Variants in SH3GL2 observed in about 807,000 individuals in gnomAD.
SH3GL2 encodes the protein SH3 domain containing GRB2 like 2, endophilin A1.
Under a neutral mutation model 46.0 loss-of-function variants are expected in SH3GL2, and 24 were observed. The observed-to-expected ratio is 0.52, with a 90% confidence interval of 0.38 to 0.73. The LOEUF (loss-of-function observed/expected upper bound fraction) is 0.73, where lower values mean the gene tolerates loss of function less well. Ranked by LOEUF, SH3GL2 falls within the 30% of genes least tolerant of loss-of-function variation. The pLI is 0.00. For missense variants in SH3GL2, 413 were observed against 424.2 expected, an observed-to-expected ratio of 0.97 and a Z score of 0.23; for synonymous variants, 196 against 147.1, an observed-to-expected ratio of 1.33 and a Z score of -2.40.
chr9:17,622,411 A>G (rs1278322150), intron 1 of SH3GL2, among the ~76,000 whole-genome samples: 1 of 152,236 alleles, frequency 6.6e-6, no homozygotes, highest in Non-Finnish European at 1.5e-5. Context: ...AAGGGGGAGG[A>G]TCTCTTAAGA....
chr9:17,696,131 G>T (rs1821196377), intron 1 of SH3GL2, among the ~76,000 whole-genome samples: 2 of 152,202 alleles, frequency 1.3e-5, no homozygotes, highest in East Asian at 3.9e-4. Context: ...TCTGAAGTCT[G>T]TTCAAAGTGG....
At chr9:17,768,336 A>C (rs1451620210) in intron 3 of SH3GL2, among the ~76,000 whole-genome samples, 1 of 145,788 alleles carries the variant, frequency 6.9e-6, no homozygotes, top group Non-Finnish European at 1.5e-5. Flanking sequence ...ATGCCACTGC[A>C]CTGCAGCCTG....
At chr9:17,653,621 C>T (rs1820004486) in intron 1 of SH3GL2, among the ~76,000 whole-genome samples, 1 of 152,176 alleles carries the variant, frequency 6.6e-6, no homozygotes, top group Non-Finnish European at 1.5e-5. Flanking sequence ...AGTCCAAGTG[C>T]TGCCAATGTG....
chr9:17,604,611 A>G (rs2134568909), intron 1 of SH3GL2, among the ~76,000 whole-genome samples: 1 of 152,230 alleles, frequency 6.6e-6, no homozygotes, highest in East Asian at 1.9e-4. Flanking sequence ...TGAAGTAAGG[A>G]TGGGTGAAGC....
intron 1 of SH3GL2, among the ~76,000 whole-genome samples, chr9:17,697,397 T>C (rs1353515712): frequency 6.8e-6 from 1 of 146,202 alleles, no homozygotes; most frequent in East Asian, 2.2e-4. Flanking sequence ...CTAATTTTTG[T>C]ATTTTTAGTA....
At chr9:17,659,767 A>AG (rs1333989186) in intron 1 of SH3GL2, among the ~76,000 whole-genome samples, 1 of 152,212 alleles carries the variant, frequency 6.6e-6, no homozygotes, top group East Asian at 1.9e-4. Context: ...TTGACTTTCA[A>AG]GCTGAACAAA....
At chr9:17,795,077 A>G (rs1824238682) in intron 8 of SH3GL2, among the ~76,000 whole-genome samples, 1 of 152,224 alleles carries the variant, frequency 6.6e-6, no homozygotes, top group Non-Finnish European at 1.5e-5. Context: ...ACTGTTACTT[A>G]AAAGCATTCT....
Position 17,786,473 on chromosome 9 carries a change from G to A in SH3GL2, c.280G>A (p.Ala94Thr). ...CTATCCTCAGGCAGAGGCGCTGCTG[G>A]CAGAGGCCATGCTCAAATTTGGAAG... ...PGYPQAEALL[A>T]EAMLKFGREL... The change falls in exon 4 of 9, where the codon GCA (alanine) becomes ACA (threonine). Residue 94 changes from alanine (A) to threonine (T), a missense_variant. Physicochemically the swap from Ala to Thr is moderately conservative, Grantham distance 58. Coordinates refer to ENST00000380607, the MANE Select transcript of SH3GL2 (RefSeq NM_003026.5). The A allele has an allele frequency of 6.2e-7, 1 of 1,613,510 alleles. No homozygotes were observed. The highest frequency in any genetic ancestry group is 8.5e-7 in the Non-Finnish European group (1 of 1,179,668).
At chr9:17,619,677 C>CAAA (rs369116747) in intron 1 of SH3GL2, among the ~76,000 whole-genome samples, 3,127 of 146,204 alleles carry the variant, frequency 0.021, 69 homozygotes, top group African/African-American at 0.052. Context: ...AACTCCATCT[C>CAAA]AAAAAAAAAA....
At chr9:17,694,444 C>A (rs7858527) in intron 1 of SH3GL2, among the ~76,000 whole-genome samples, 4,319 of 152,218 alleles carry the variant, frequency 0.028, 191 homozygotes, top group African/African-American at 0.099. Context: ...AAAGCAACTA[C>A]TATAATTGCC....
chr9:17,603,861 G>C (rs4961577), intron 1 of SH3GL2, among the ~76,000 whole-genome samples: 1 of 151,918 alleles, frequency 6.6e-6, no homozygotes, highest in Non-Finnish European at 1.5e-5. Context: ...GCGAAACTCC[G>C]TGTCAAAAAA....
At chr9:17,758,798 A>G (rs1823084245) in intron 2 of SH3GL2, among the ~76,000 whole-genome samples, 1 of 151,916 alleles carries the variant, frequency 6.6e-6, no homozygotes, top group Non-Finnish European at 1.5e-5. Context: ...GGACTAGGTA[A>G]CCAAAAGTGT....
intron 1 of SH3GL2, among the ~76,000 whole-genome samples, chr9:17,670,401 C>G (rs1361004897): frequency 1.3e-5 from 2 of 152,134 alleles, no homozygotes; most frequent in Non-Finnish European, 2.9e-5. Context: ...TTTTTTCTAC[C>G]TCCTGTATCA....
chr9:17,645,151 CTTTTTTTTTTT>C (rs57611978), intron 1 of SH3GL2, among the ~76,000 whole-genome samples: 284 of 68,748 alleles, frequency 4.1e-3, no homozygotes, highest in African/African-American at 0.017. Flanking sequence ...GCAAACGCTG[CTTTTTTTTTTT>C]TTTTTTTTTT....
chr9:17,599,803 T>C (rs1818636796), intron 1 of SH3GL2, among the ~76,000 whole-genome samples: 1 of 152,214 alleles, frequency 6.6e-6, no homozygotes, highest in African/African-American at 2.4e-5. Flanking sequence ...TAATTATCTC[T>C]AGATGTGGGC....
At chr9:17,778,880 A>G (rs1025209954) in intron 3 of SH3GL2, among the ~76,000 whole-genome samples, 7 of 152,156 alleles carry the variant, frequency 4.6e-5, no homozygotes, top group African/African-American at 1.7e-4. Flanking sequence ...AGTTGTATTC[A>G]TTAATATTGA....
At chr9:17,679,687 G>C (rs1820715915) in intron 1 of SH3GL2, among the ~76,000 whole-genome samples, 1 of 152,166 alleles carries the variant, frequency 6.6e-6, no homozygotes, top group Admixed American at 6.5e-5. Flanking sequence ...TGGTGAGAGA[G>C]GGCATCCTTG....
intron 1 of SH3GL2, among the ~76,000 whole-genome samples, chr9:17,725,511 G>C (rs990594741): frequency 2.0e-5 from 3 of 152,108 alleles, no homozygotes; most frequent in Non-Finnish European, 4.4e-5. Flanking sequence ...AATAAAGTCA[G>C]TCTCCTCAGT....
intron 1 of SH3GL2, among the ~76,000 whole-genome samples, chr9:17,667,418 A>C (rs1359508651): frequency 6.6e-6 from 1 of 152,090 alleles, no homozygotes; most frequent in Non-Finnish European, 1.5e-5. Context: ...TTCAGTCTCT[A>C]GGGATTTGAC....
Sources: gnomAD v4.1 joint callset for allele counts (sites outside exome capture counted in the v4.1 genomes callset) on GRCh38, gnomAD v4.1.1 for gene constraint, MANE v1.5 for transcripts, NCBI Gene and HGNC (gene_info 2026-07-23, HGNC 2026-07-21) for gene names.